CCDC93: variants seen among roughly 807,000 people sequenced by gnomAD.
CCDC93 encodes coiled-coil domain-containing protein 93.
Under a neutral mutation model 108.2 loss-of-function variants are expected in CCDC93, and 61 were observed. That is an observed-to-expected ratio of 0.56 (90% confidence interval 0.46 to 0.70). The LOEUF (loss-of-function observed/expected upper bound fraction) is 0.70. Ranked by LOEUF, CCDC93 falls within the 30% of genes least tolerant of loss-of-function variation. The pLI is 0.00. For missense variants in CCDC93, 685 were observed against 764.2 expected, an observed-to-expected ratio of 0.90 and a Z score of 1.22; for synonymous variants, 276 against 260.4, an observed-to-expected ratio of 1.06 and a Z score of -0.58.
In CCDC93 at chr2:117,917,431, T is replaced by C. The variant is rs1360484889; in HGVS notation, c.*2912A>G. 6.5e-6 allele frequency: 1 copy of C among 152,758 alleles called. No homozygotes were observed. Among genetic ancestry groups the C allele is most frequent in the Admixed American group, 6.5e-5 (1 of 15,284 alleles). The allele number at this position is 152,758 out of a possible 1,614,324, so 9.5% of individuals were successfully genotyped here. On this transcript the variant is annotated 3_prime_UTR_variant, in exon 24 of 24. Transcript: ENST00000376300. ...CGGTATTGTCAGAGAATGCTTCCCA[T>C]GCCTGGACCCTGGACCTTCTGGTTG... is the stretch of plus-strand genomic sequence containing the variant.
chr2:117,917,162 CA>C lies in CCDC93; in HGVS notation c.*3180del, dbSNP rs1677711992. Reference sequence around the variant, plus strand: ...GGTGATCAGTCACCTACAGAGTGGGCAAACAAGACCATATGAGGCAGCAGAA... The same window carrying C: ...GGTGATCAGTCACCTACAGAGTGGGCAACAAGACCATATGAGGCAGCAGAA... On this transcript the variant is annotated 3_prime_UTR_variant, in exon 24 of 24. Transcript: ENST00000376300. 3.9e-5 allele frequency: 6 copies of C among 152,572 alleles called. No individual in the cohort carries two copies. In the South Asian group the frequency reaches 1.2e-3, roughly 32 times the overall value. The allele number at this position is 152,572 out of a possible 1,614,324, so 9.5% of individuals were successfully genotyped here.
intron 1 of CCDC93, chr2:118,008,907 T>C (rs982796272): frequency 2.2e-6 from 1 of 456,898 alleles, no homozygotes; most frequent in South Asian, 2.6e-5. Context: ...CATGCCCAAG[T>C]AGTATATACT....
chr2:117,931,111 G>A lies in CCDC93; in HGVS notation c.1768C>T (p.Gln590Ter). The part of the protein sequence containing the change: ...KKQENKMRRD[Q>*]LNDQYLELLE... Reference sequence around the variant, plus strand: ...AGCTCCAAGTACTGGTCGTTCAACTGGTCTCTTCTCATTTTGTTCTCTTGC... The same window carrying A: ...AGCTCCAAGTACTGGTCGTTCAACTAGTCTCTTCTCATTTTGTTCTCTTGC... The change falls in exon 23 of 24, where the codon CAG becomes TAG. Residue 590 changes from glutamine (Q) to a stop codon, truncating the protein, a stop_gained. Transcript: ENST00000376300. LOFTEE classifies it high-confidence loss of function. 1 of 1,613,762 alleles carries A rather than the reference G, an allele frequency of 6.2e-7. No individual in the cohort carries two copies.
intron 23 of CCDC93, among the ~76,000 whole-genome samples, chr2:117,926,345 A>G (rs1000679057): frequency 2.6e-5 from 4 of 152,288 alleles, no homozygotes; most frequent in East Asian, 1.9e-4. Flanking sequence ...TTTTTTGAAA[A>G]GATCAACAAA....
At position 117,962,207 on chromosome 2, in the gene CCDC93, G is replaced by T. The variant is rs1230231472; in HGVS notation, c.889-3726C>A. Among the ~76,000 whole-genome samples, 3 of 152,040 alleles carry T rather than the reference G, an allele frequency of 2.0e-5. No individual in the cohort carries two copies. In the East Asian group the frequency reaches 5.8e-4, roughly 29 times the overall value. ...TTTACACATCAACCTTCTAATACAGGGTTCTCTCCTATATCATCTCCCTAC... is the reference window on the plus strand; with the variant it reads ...TTTACACATCAACCTTCTAATACAGTGTTCTCTCCTATATCATCTCCCTAC... On this transcript the variant is annotated intron_variant, in intron 11 of 23. Coordinates refer to ENST00000376300, the MANE Select transcript of CCDC93 (RefSeq NM_019044.5).
intron 18 of CCDC93, among the ~76,000 whole-genome samples, chr2:117,941,647 G>C (rs959833596): frequency 3.9e-5 from 6 of 152,160 alleles, no homozygotes; most frequent in African/African-American, 1.2e-4. Flanking sequence ...GCCAGGCAGG[G>C]ACAGGCAACA....
At chr2:117,956,509 T>C (rs1203330929) in intron 12 of CCDC93, among the ~76,000 whole-genome samples, 1 of 152,144 alleles carries the variant, frequency 6.6e-6, no homozygotes, top group Non-Finnish European at 1.5e-5. Flanking sequence ...CTCAAAACTA[T>C]CTTCCCTCAG....
chr2:117,954,584 AT>A (rs1679159497), intron 12 of CCDC93, among the ~76,000 whole-genome samples: 1 of 152,080 alleles, frequency 6.6e-6, no homozygotes, highest in African/African-American at 2.4e-5. Flanking sequence ...TACTCTAAAA[AT>A]TCAGCTGCTG....
intron 6 of CCDC93, 89 bp from the exon 7 acceptor site, chr2:117,986,158 C>CTTTT: frequency 5.7e-6 from 2 of 350,876 alleles, no homozygotes; most frequent in South Asian, 4.6e-5. Flanking sequence ...GGGGTATATT[C>CTTTT]TCTTTTTTTT....
At chr2:117,920,959 G>A (rs1296671332) in intron 23 of CCDC93, among the ~76,000 whole-genome samples, 3 of 152,044 alleles carry the variant, frequency 2.0e-5, no homozygotes, top group East Asian at 1.9e-4. Flanking sequence ...CGAGGCAGGC[G>A]GATCATGAGG....
chr2:117,984,354 A>G (rs1212871343), intron 7 of CCDC93, among the ~76,000 whole-genome samples: 3 of 152,200 alleles, frequency 2.0e-5, no homozygotes, highest in Non-Finnish European at 4.4e-5. Context: ...GTTTGAGAAG[A>G]GTCAAGCAAA....
At chr2:117,953,178 C>T (rs889713813) in intron 12 of CCDC93, among the ~76,000 whole-genome samples, 4 of 152,190 alleles carry the variant, frequency 2.6e-5, no homozygotes, top group Non-Finnish European at 5.9e-5. Context: ...TTCAAGTTAA[C>T]AATGAGAAAT....
chr2:117,991,379 A>C (rs959459306), intron 6 of CCDC93, among the ~76,000 whole-genome samples: 5 of 152,172 alleles, frequency 3.3e-5, no homozygotes, highest in African/African-American at 4.8e-5. Context: ...GCCCTGAAGT[A>C]AGTCAGTAAT....
intron 6 of CCDC93, among the ~76,000 whole-genome samples, chr2:117,995,005 A>G (rs1558800806): frequency 6.6e-6 from 1 of 152,130 alleles, no homozygotes; most frequent in African/African-American, 2.4e-5. Flanking sequence ...TGTGATTAAG[A>G]CGTACTGTGA....
intron 7 of CCDC93, among the ~76,000 whole-genome samples, chr2:117,983,077 G>C (rs115023058): frequency 0.021 from 3,157 of 152,240 alleles, 113 homozygotes; most frequent in African/African-American, 0.073. Flanking sequence ...GAAAACACAA[G>C]TGTCTTCCAT....
At chr2:117,988,894 C>T (rs1433643218) in intron 6 of CCDC93, among the ~76,000 whole-genome samples, 1 of 152,194 alleles carries the variant, frequency 6.6e-6, no homozygotes, top group African/African-American at 2.4e-5. Flanking sequence ...ACATCTTCTG[C>T]TCTTTGAAGT....
At chr2:117,970,237 A>G (rs1344711000) in intron 11 of CCDC93, among the ~76,000 whole-genome samples, 2 of 152,274 alleles carry the variant, frequency 1.3e-5, no homozygotes, top group African/African-American at 4.8e-5. Flanking sequence ...AATAGAATCA[A>G]GTATCTCCAA....
chr2:117,923,463 A>G (rs1229258921), intron 23 of CCDC93, among the ~76,000 whole-genome samples: 1 of 152,188 alleles, frequency 6.6e-6, no homozygotes. Context: ...ACACCAGCAG[A>G]TTATATCCCG....
intron 7 of CCDC93, among the ~76,000 whole-genome samples, chr2:117,981,581 T>C (rs1389567500): frequency 6.6e-6 from 1 of 152,170 alleles, no homozygotes; most frequent in African/African-American, 2.4e-5. Context: ...TAGGACCCAG[T>C]CTTTAAATCA....
Sources: gnomAD v4.1 joint callset for allele counts (sites outside exome capture counted in the v4.1 genomes callset) on GRCh38, gnomAD v4.1.1 for gene constraint, MANE v1.5 for transcripts, NCBI Gene and HGNC (gene_info 2026-07-23, HGNC 2026-07-21) for gene names.